C2orf69: variants seen among roughly 807,000 people sequenced by gnomAD.
C2orf69 encodes mitochondrial protein C2orf69.
A neutral mutation model predicts 29.5 loss-of-function variants in C2orf69; 19 were observed. That is an observed-to-expected ratio of 0.65 (90% CI 0.45 to 0.95). C2orf69 has a LOEUF of 0.95. Ranked by LOEUF, C2orf69 falls within the 40% of genes least tolerant of loss-of-function variation. The pLI is 0.00. For synonymous variants in C2orf69, 194 were observed against 180.0 expected, an observed-to-expected ratio of 1.08 and a Z score of -0.62; for missense variants, 416 against 482.1, an observed-to-expected ratio of 0.86 and a Z score of 1.28.
Position 199,925,413 on chromosome 2 carries a change from G to C in C2orf69, c.685G>C (p.Gly229Arg), listed in dbSNP as rs770626840. 14 of 1,613,720 alleles carry C rather than the reference G, an allele frequency of 8.7e-6. No individual in the cohort carries two copies. The highest frequency in any genetic ancestry group is 5.3e-5 in the African/African-American group (4 of 74,938). Reference sequence around the variant, plus strand: ...ATCCAGTCCTTCTCATACTACGAATGGTTGCCAGGGAGAAAAAGTGAGGAC... The same window carrying C: ...ATCCAGTCCTTCTCATACTACGAATCGTTGCCAGGGAGAAAAAGTGAGGAC... The part of the protein sequence containing the change: ...CRSSPSHTTN[G>R]CQGEKVRTCE... Residue 229 changes from glycine (G) to arginine (R), a missense_variant, in exon 2 of 2, where the codon GGT (glycine) becomes CGT (arginine). Physicochemically the swap from Gly to Arg is moderately radical, Grantham distance 125. This residue lies in a region of C2orf69 where 225 missense variants were observed against 307.3 expected (regional missense o/e 0.73). Coordinates refer to ENST00000319974, the MANE Select transcript of C2orf69 (RefSeq NM_153689.6). The surrounding 1 kb of genome is among the most constrained non-coding windows in gnomAD (Gnocchi z 4.9).
rs556269869 is a variant in C2orf69 at position 199,922,792 on chromosome 2, G to A, written c.334-2270G>A. On this transcript the variant is annotated intron_variant, in intron 1 of 1. Transcript: ENST00000319974. ...CTCTTATCAGGATTATATTTCAGTAGCCTTTTAACGGTCTCCTTGCATCAG... is the reference window on the plus strand; with the variant it reads ...CTCTTATCAGGATTATATTTCAGTAACCTTTTAACGGTCTCCTTGCATCAG... Among the ~76,000 whole-genome samples, 31 of 152,208 alleles carry A rather than the reference G, an allele frequency of 2.0e-4. No homozygotes were observed. The East Asian group carries it at 5.6e-3, about 27-fold the overall frequency.
rs1181472313 is a variant in C2orf69 at position 199,927,989 on chromosome 2, CA to C, written c.*2104del. On this transcript the variant is annotated 3_prime_UTR_variant, in exon 2 of 2. Transcript: ENST00000319974. ...TGAATGGGTATTAAGAGTAAGTCACCAGGTACACAAAACTGCCATCATAGCA... is the reference window on the plus strand; with the variant it reads ...TGAATGGGTATTAAGAGTAAGTCACCGGTACACAAAACTGCCATCATAGCA... The C allele has an allele frequency of 3.9e-5, 6 of 152,162 alleles. No homozygotes were observed. The highest frequency in any genetic ancestry group is 1.5e-4 in the African/African-American group (6 of 41,356). 9.4% of individuals were successfully genotyped at this position (152,162 alleles called of 1,614,324 possible).
At chr2:199,921,009 T>TGTTG (rs1396168335) in intron 1 of C2orf69, among the ~76,000 whole-genome samples, 1 of 128,464 alleles carries the variant, frequency 7.8e-6, no homozygotes, top group African/African-American at 2.9e-5. Context: ...TAGTTTTTTT[T>TGTTG]TTTTTTTTTT....
At chr2:199,912,506 T>G (rs1343490730) in intron 1 of C2orf69, among the ~76,000 whole-genome samples, 1 of 152,232 alleles carries the variant, frequency 6.6e-6, no homozygotes, top group Non-Finnish European at 1.5e-5. Context: ...TTAGCTGCAT[T>G]TCAAGTGCTC....
intron 1 of C2orf69, among the ~76,000 whole-genome samples, chr2:199,914,992 G>A (rs1283629762): frequency 9.2e-5 from 14 of 152,200 alleles, no homozygotes; most frequent in East Asian, 1.9e-4. Flanking sequence ...ATAAGCTTAC[G>A]TTTGTTCACC....
At chr2:199,920,791 C>T (rs1277293695) in intron 1 of C2orf69, among the ~76,000 whole-genome samples, 1 of 151,020 alleles carries the variant, frequency 6.6e-6, no homozygotes, top group Non-Finnish European at 1.5e-5. Flanking sequence ...CCCATCTCTA[C>T]TAAAAATACA....
chr2:199,922,027 A>ATT (rs1206272317), intron 1 of C2orf69, among the ~76,000 whole-genome samples: 1 of 115,908 alleles, frequency 8.6e-6, no homozygotes, highest in Non-Finnish European at 1.7e-5. Flanking sequence ...TGCCACTGTT[A>ATT]TTTTTATATA....
chr2:199,920,004 G>A (rs554433812), intron 1 of C2orf69, among the ~76,000 whole-genome samples: 1 of 152,164 alleles, frequency 6.6e-6, no homozygotes, highest in Non-Finnish European at 1.5e-5. Context: ...TGGAGTAGTA[G>A]GCATTCTTTA....
At chr2:199,921,001 G>GTTTTT (rs71019096) in intron 1 of C2orf69, among the ~76,000 whole-genome samples, 37 of 67,038 alleles carry the variant, frequency 5.5e-4, no homozygotes, top group South Asian at 7.7e-4. Context: ...CTAGGAATTA[G>GTTTTT]TTTTTTTTTT....
chr2:199,911,629 A>C lies in C2orf69; in HGVS notation c.191A>C (p.Asp64Ala). 1.3e-6 allele frequency: 2 copies of C among 1,549,522 alleles called. No individual in the cohort carries two copies. Among genetic ancestry groups the C allele is most frequent in the African/African-American group, 1.4e-5 (1 of 73,144 alleles). The change falls in exon 1 of 2, where the codon GAT (aspartate) becomes GCT (alanine). Residue 64 changes from aspartate to alanine, a missense_variant. Transcript: ENST00000319974. ...CLQLSTVPGADPQRSNELLLL... is the reference protein window; with the variant it reads ...CLQLSTVPGAAPQRSNELLLL... ...CAGCTTTCCACCGTGCCTGGAGCCG[A>C]TCCGCAGCGCAGCAACGAATTGCTC...
rs1175291894 is a variant in C2orf69, at chr2:199,911,331, C to T, written c.-108C>T. ...GCCTCAGCGCCGGCTCCCGGCCGGGCCGCGGCCGCCGACCGTTGAGCCGCC... is the reference window on the plus strand; with the variant it reads ...GCCTCAGCGCCGGCTCCCGGCCGGGTCGCGGCCGCCGACCGTTGAGCCGCC... On this transcript the variant is annotated 5_prime_UTR_variant, in exon 1 of 2. Transcript: ENST00000319974. The T allele has an allele frequency of 3.8e-6, 5 of 1,309,788 alleles. No homozygotes were observed. The highest frequency in any genetic ancestry group is 4.9e-6 in the Non-Finnish European group (5 of 1,017,572). The allele number at this position is 1,309,788 out of a possible 1,614,324, so 81.1% of individuals were successfully genotyped here.
intron 1 of C2orf69, among the ~76,000 whole-genome samples, chr2:199,916,305 CCT>C (rs1207911831): frequency 6.6e-6 from 1 of 151,994 alleles, no homozygotes; most frequent in East Asian, 1.9e-4. Flanking sequence ...CCACTGGGTC[CCT>C]CTCACAACAC....
Position 199,925,200 on chromosome 2 carries a change from C to T in C2orf69, c.472C>T (p.His158Tyr). The T allele has an allele frequency of 6.2e-7, 1 of 1,612,660 alleles. No individual in the cohort carries two copies. The highest frequency in any genetic ancestry group is 8.5e-7 in the Non-Finnish European group (1 of 1,179,806). ...WVIKCSRMHL[H>Y]KFSCYDNFVK... Reference sequence around the variant, plus strand: ...GATAAAATGTTCCCGAATGCATTTGCACAAATTCAGCTGCTATGACAATTT... The same window carrying T: ...GATAAAATGTTCCCGAATGCATTTGTACAAATTCAGCTGCTATGACAATTT... The change falls in exon 2 of 2, where the codon CAC (histidine) becomes TAC (tyrosine). Residue 158 changes from histidine to tyrosine, a missense_variant. His to Tyr is a moderately conservative substitution (Grantham distance 83). This residue lies in a region of C2orf69 where 225 missense variants were observed against 307.3 expected (regional missense o/e 0.73). Coordinates refer to ENST00000319974, the MANE Select transcript of C2orf69 (RefSeq NM_153689.6). This position sits in a 1 kb window ranked among gnomAD's most constrained non-coding sequence, Gnocchi z 4.9.
At chr2:199,912,918 G>A (rs2077272156) in intron 1 of C2orf69, among the ~76,000 whole-genome samples, 1 of 151,688 alleles carries the variant, frequency 6.6e-6, no homozygotes. Context: ...TGGGATTATA[G>A]GTGTGAGCCA....
chr2:199,925,518 A>G lies in C2orf69; in HGVS notation c.790A>G (p.Ser264Gly). The change falls in exon 2 of 2, where the codon AGT (serine) becomes GGT (glycine). Residue 264 changes from serine (S) to glycine (G), a missense_variant. Ser to Gly is a moderately conservative substitution (Grantham distance 56). Coordinates refer to ENST00000319974, the MANE Select transcript of C2orf69 (RefSeq NM_153689.6). The surrounding 1 kb of genome is among the most constrained non-coding windows in gnomAD (Gnocchi z 4.9). ...CGCATCTTTTACTTTGATTGGATTC[A>G]GTAAAGGTTGTGTTGTTTTGAATCA... ...NDASFTLIGF[S>G]KGCVVLNQLL... The G allele has an allele frequency of 6.2e-7, 1 of 1,613,928 alleles. No homozygotes were observed. The highest frequency in any genetic ancestry group is 1.3e-5 in the African/African-American group (1 of 75,042).
At chr2:199,922,031 T>TTGTATATATATATATATATATATATA (rs1553566020) in intron 1 of C2orf69, among the ~76,000 whole-genome samples, 1 of 78,984 alleles carries the variant, frequency 1.3e-5, no homozygotes. Context: ...ACTGTTATTT[T>TTGTATATATATATATATATATATATA]TATATATATA....
At chr2:199,915,652 G>A (rs1476770186) in intron 1 of C2orf69, among the ~76,000 whole-genome samples, 1 of 152,014 alleles carries the variant, frequency 6.6e-6, no homozygotes, top group African/African-American at 2.4e-5. Context: ...GACTACAGGA[G>A]CATGCCACCA....
At position 199,911,621 on chromosome 2, in the gene C2orf69, T is replaced by TGGAGCCGATCC. The variant is rs1198267660; in HGVS notation, c.185_195dup (p.Gln66GlufsTer56). On this transcript the variant is annotated frameshift_variant, in exon 1 of 2. Transcript: ENST00000319974. LOFTEE classifies it high-confidence loss of function. ...AGTGCCTGCAGCTTTCCACCGTGCC[T>TGGAGCCGATCC]GGAGCCGATCCGCAGCGCAGCAACG... is the stretch of plus-strand genomic sequence containing the variant. 6 of 1,549,586 alleles carry TGGAGCCGATCC rather than the reference T, an allele frequency of 3.9e-6. No individual in the cohort carries two copies. The highest frequency in any genetic ancestry group is 1.4e-5 in the African/African-American group (1 of 73,162).
At chr2:199,913,242 A>AATATATATATTATATAAAATATATATAAT (rs71019092) in intron 1 of C2orf69, among the ~76,000 whole-genome samples, 1 of 84,814 alleles carries the variant, frequency 1.2e-5, no homozygotes, top group Non-Finnish European at 2.1e-5. Flanking sequence ...TAATATATAT[A>AATATATATATTATATAAAATATATATAAT]ATATATATTA....
Sources: gnomAD v4.1 joint callset for allele counts (sites outside exome capture counted in the v4.1 genomes callset) on GRCh38, gnomAD v4.1.1 for gene constraint, gnomAD v4.1.1 regional missense constraint, Gnocchi (gnomAD v3.1) non-coding constraint, MANE v1.5 for transcripts, NCBI Gene and HGNC (gene_info 2026-07-23, HGNC 2026-07-21) for gene names.